The following TTC4 variants were observed in gnomAD, a reference collection of about 807,000 sequenced individuals.
TTC4 encodes hsp70/Hsp90 co-chaperone CNS1 homolog.
In TTC4, 36 loss-of-function variants were observed where a neutral mutation model predicts 51.9. That is an observed-to-expected ratio of 0.69 (90% CI 0.53 to 0.92). The LOEUF (loss-of-function observed/expected upper bound fraction) is 0.92. TTC4 is among the 40% of genes least tolerant of loss of function. The probability of loss-of-function intolerance (pLI) is 0.00; values close to 1 mark genes in which losing one functional copy is unlikely to be tolerated. For missense variants in TTC4, 399 were observed against 454.6 expected (o/e 0.88, Z 1.11); for synonymous variants, 144 against 164.2 (o/e 0.88, Z 0.94).
intron 9 of TTC4, 139 bp downstream of exon 9, chr1:54,737,803 G>A (rs545765761): frequency 8.1e-6 from 7 of 863,426 alleles, no homozygotes; most frequent in African/African-American, 5.1e-5. Context: ...ACAGTTCCAC[G>A]TGGCTGGGGA....
intron 6 of TTC4, among the ~76,000 whole-genome samples, chr1:54,729,586 CTGTCTTT>C (rs1455001611): frequency 6.6e-6 from 1 of 152,180 alleles, no homozygotes; most frequent in Non-Finnish European, 1.5e-5. Context: ...AAATGCCACC[CTGTCTTT>C]CTCTTTTCTG....
In TTC4 at chr1:54,736,199, A is replaced by T. The variant is rs1048154383; in HGVS notation, c.979-1383A>T. 4.2e-3 allele frequency among the ~76,000 whole-genome samples: 562 copies of T among 133,126 alleles called. 28 individuals carry two copies. Among genetic ancestry groups the T allele is most frequent in the African/African-American group, 0.018 (527 of 29,288 alleles). 87.3% of individuals were successfully genotyped at this position (133,126 alleles called of 152,430 possible). A position where few individuals can be genotyped will look rare whatever the true frequency, so the allele number is the denominator to read the frequency against. On this transcript the variant is annotated intron_variant, in intron 8 of 9. Coordinates refer to ENST00000371281, the MANE Select transcript of TTC4 (RefSeq NM_004623.5). ...AGGAGAGAGAGAGAGAGAGAGAGAG[A>T]GAGAGAGAGAGAGAGAGAGAGAGAA... is the stretch of plus-strand genomic sequence containing the variant.
rs567480066 is a variant in TTC4, at chr1:54,736,169, A to G, written c.979-1413A>G. ...CTTGGGGGAGAAAGAGAGAGAAAGA[A>G]AGAAAGGAGAGAGAGAGAGAGAGAG... On this transcript the variant is annotated intron_variant, in intron 8 of 9. Coordinates refer to ENST00000371281, the MANE Select transcript of TTC4 (RefSeq NM_004623.5). Among the ~76,000 whole-genome samples the G allele has an allele frequency of 3.1e-4, 35 of 114,390 alleles. 1 individual carries two copies. Among genetic ancestry groups the G allele is most frequent in the African/African-American group, 1.4e-3 (31 of 22,724 alleles). 75.0% of individuals were successfully genotyped at this position (114,390 alleles called of 152,430 possible). A position where few individuals can be genotyped will look rare whatever the true frequency, so the allele number is the denominator to read the frequency against.
chr1:54,725,874 G>A (rs1229638066), intron 5 of TTC4, among the ~76,000 whole-genome samples: 7 of 152,172 alleles, frequency 4.6e-5, no homozygotes. Flanking sequence ...ATTTGAGCAG[G>A]CAGTAATGAG....
Position 54,715,952 on chromosome 1 carries a change from A to T in TTC4, c.44A>T (p.Asp15Val). The T allele has an allele frequency of 6.2e-7, 1 of 1,607,384 alleles. No homozygotes were observed. The highest frequency in any genetic ancestry group is 8.5e-7 in the Non-Finnish European group (1 of 1,177,102). The change falls in exon 1 of 10, where the codon GAC becomes GTC. Residue 15 changes from aspartate (D) to valine (V), a missense_variant. Asp to Val is a radical substitution (Grantham distance 152, BLOSUM62 -3). Coordinates refer to ENST00000371281, the MANE Select transcript of TTC4 (RefSeq NM_004623.5). ...GATCCCACCTCAGACGACGTCATGGACTCGTTCCTGGAAAAGTTCCAGAGC... is the reference window on the plus strand; with the variant it reads ...GATCCCACCTCAGACGACGTCATGGTCTCGTTCCTGGAAAAGTTCCAGAGC... ...GQDPTSDDVMDSFLEKFQSQP... is the reference protein window; with the variant it reads ...GQDPTSDDVMVSFLEKFQSQP...
At chr1:54,722,130 T>A (rs760111549) in intron 4 of TTC4, among the ~76,000 whole-genome samples, 5 of 35,780 alleles carry the variant, frequency 1.4e-4, no homozygotes, top group Admixed American at 5.5e-4. Flanking sequence ...TAACATGAAA[T>A]TTTTTTTTTT....
In TTC4 at chr1:54,716,008, C is replaced by T; in HGVS notation, c.100C>T (p.Gln34Ter). 1 of 1,589,658 alleles carries T rather than the reference C, an allele frequency of 6.3e-7. No homozygotes were observed. The highest frequency in any genetic ancestry group is 8.6e-7 in the Non-Finnish European group (1 of 1,168,568). ...QPYRGGFHED[Q>*]WEKEFEKVPL... ...TTACCGTGGCGGCTTTCATGAGGAC[C>T]AGTGGGAGAAGGTGGGCGGTCCTGG... is the stretch of plus-strand genomic sequence containing the variant. The change falls in exon 1 of 10, where the codon CAG (glutamine) becomes TAG (stop). Residue 34 changes from glutamine (Q) to a stop codon, truncating the protein, a stop_gained. Coordinates refer to ENST00000371281, the MANE Select transcript of TTC4 (RefSeq NM_004623.5). LOFTEE classifies it high-confidence loss of function.
chr1:54,733,738 A>G, intron 8 of TTC4, 28 bp downstream of exon 8: 1 of 1,077,504 alleles, frequency 9.3e-7, no homozygotes, highest in Non-Finnish European at 1.3e-6. Flanking sequence ...TCGTTCCTCT[A>G]TGGAATTAAT....
At chr1:54,734,423 C>G (rs935207951) in intron 8 of TTC4, among the ~76,000 whole-genome samples, 9 of 151,300 alleles carry the variant, frequency 5.9e-5, no homozygotes, top group African/African-American at 1.7e-4. Flanking sequence ...GAATCTCGCT[C>G]TGTCACCTAG....
chr1:54,739,037 A>ATTT (rs557597436), intron 9 of TTC4, among the ~76,000 whole-genome samples: 14,183 of 144,394 alleles, frequency 0.098, 1,189 homozygotes, highest in African/African-American at 0.23. Flanking sequence ...CTTATTTTGA[A>ATTT]TTTTTTTTTT....
chr1:54,722,730 T>C lies in TTC4; in HGVS notation c.525T>C (p.Asp175=). ...TTGCCGAGGCCGTGAACTGGTGTGA[T>C]GAGGGACTGCAAATAGATGCCAAAG... ...KHFAEAVNWC[D]EGLQIDAKEK... Residue 175 remains aspartate (D), a synonymous_variant, in exon 5 of 10, where the codon GAT becomes GAC. Coordinates refer to ENST00000371281, the MANE Select transcript of TTC4 (RefSeq NM_004623.5). The C allele has an allele frequency of 1.2e-6, 2 of 1,613,992 alleles. No homozygotes were observed. The highest frequency in any genetic ancestry group is 1.1e-5 in the South Asian group (1 of 91,076).
At chr1:54,732,568 C>T (rs11488225) in intron 7 of TTC4, among the ~76,000 whole-genome samples, 10,059 of 151,250 alleles carry the variant, frequency 0.067, 434 homozygotes, top group African/African-American at 0.12. Flanking sequence ...AGGTGATCCT[C>T]CTGCCTCAGC....
chr1:54,729,535 C>T (rs1645840188), intron 6 of TTC4, among the ~76,000 whole-genome samples: 1 of 152,134 alleles, frequency 6.6e-6, no homozygotes. Flanking sequence ...GAAAGTCTGA[C>T]ATTTTAGGAT....
At chr1:54,741,157 T>C (rs10449738) in intron 9 of TTC4, among the ~76,000 whole-genome samples, 5 of 152,208 alleles carry the variant, frequency 3.3e-5, no homozygotes, top group African/African-American at 1.2e-4. Context: ...AAACCATGCT[T>C]TATATTTTTA....
chr1:54,737,969 C>T (rs886075541), intron 9 of TTC4, among the ~76,000 whole-genome samples: 5 of 151,278 alleles, frequency 3.3e-5, no homozygotes, highest in South Asian at 4.2e-4. Context: ...GGTGTGATCT[C>T]GGCTCACTGC....
chr1:54,716,728 A>C lies in TTC4; in HGVS notation c.229+11A>C. On this transcript the variant is annotated intron_variant, in intron 2 of 9. Coordinates refer to ENST00000371281, the MANE Select transcript of TTC4 (RefSeq NM_004623.5). ...AGCGTTCTCCAGAAGGTATCTTAAC[A>C]TGACTAATATTTGTTTTGTGTTTCC... 6.3e-7 allele frequency: 1 copy of C among 1,589,964 alleles called. No homozygotes were observed. Among genetic ancestry groups the C allele is most frequent in the African/African-American group, 1.3e-5 (1 of 74,222 alleles).
At chr1:54,717,075 A>G (rs1328557852) in intron 2 of TTC4, among the ~76,000 whole-genome samples, 2 of 152,198 alleles carry the variant, frequency 1.3e-5, no homozygotes, top group Admixed American at 1.3e-4. Flanking sequence ...TTTGAGCTGA[A>G]TCTTTGTAAT....
At chr1:54,734,653 G>T (rs542581263) in intron 8 of TTC4, among the ~76,000 whole-genome samples, 1 of 152,176 alleles carries the variant, frequency 6.6e-6, no homozygotes, top group Non-Finnish European at 1.5e-5. Context: ...GCCTCCAGAA[G>T]TGCTGGGATT....
At chr1:54,737,347 G>C (rs1250114394) in intron 8 of TTC4, 1 of 463,546 alleles carries the variant, frequency 2.2e-6, no homozygotes, top group East Asian at 4.0e-5. Flanking sequence ...ATGTTGGCAA[G>C]TTGTTGTTCT....
Sources: gnomAD v4.1 joint callset for allele counts (sites outside exome capture counted in the v4.1 genomes callset) on GRCh38, gnomAD v4.1.1 for gene constraint, MANE v1.5 for transcripts, NCBI Gene and HGNC (gene_info 2026-07-23, HGNC 2026-07-21) for gene names.